The following MIGA1 variants were observed in gnomAD, a reference collection of about 807,000 sequenced individuals.
The protein encoded by MIGA1 is mitoguardin 1.
MIGA1 carries 58 observed loss-of-function variants against 82.0 expected under a neutral mutation model. That is an observed-to-expected ratio of 0.71 (90% confidence interval 0.57 to 0.88). MIGA1 has a LOEUF of 0.88. MIGA1 is among the 40% of genes least tolerant of loss of function. The pLI, the probability that MIGA1 is intolerant of heterozygous loss-of-function variation, is 0.00. For missense variants in MIGA1, 751 were observed against 749.1 expected (o/e 1.00, Z -0.03); for synonymous variants, 249 against 253.6 (o/e 0.98, Z 0.17).
chr1:77,782,308 G>T (rs1483346494), intron 1 of MIGA1, among the ~76,000 whole-genome samples: 2 of 152,080 alleles, frequency 1.3e-5, no homozygotes, highest in East Asian at 3.8e-4. Context: ...CGTTTTCTTG[G>T]CCTGAATGAA....
intron 4 of MIGA1, among the ~76,000 whole-genome samples, chr1:77,804,621 A>AT (rs1683015906): frequency 6.6e-6 from 1 of 151,760 alleles, no homozygotes; most frequent in Non-Finnish European, 1.5e-5. Context: ...CAACATTAAC[A>AT]ATTTTTTTTT....
chr1:77,822,948 T>G (rs1311802775), intron 7 of MIGA1, among the ~76,000 whole-genome samples: 3 of 149,214 alleles, frequency 2.0e-5, no homozygotes, highest in African/African-American at 7.4e-5. Flanking sequence ...GTTCAAGCAA[T>G]TCTCCTGCCT....
At chr1:77,872,401 G>A (rs992352915) in intron 14 of MIGA1, among the ~76,000 whole-genome samples, 1 of 152,122 alleles carries the variant, frequency 6.6e-6, no homozygotes, top group Non-Finnish European at 1.5e-5. Flanking sequence ...AGGAGTTCAA[G>A]ACCAGCCTGA....
At chr1:77,806,819 TTTGA>T (rs1163828257) in intron 4 of MIGA1, among the ~76,000 whole-genome samples, 152 bp from the exon 5 acceptor site, 1 of 152,236 alleles carries the variant, frequency 6.6e-6, no homozygotes, top group African/African-American at 2.4e-5. Context: ...GATTTCTAAG[TTTGA>T]TTGATTATCA....
intron 3 of MIGA1, 41 bp from the exon 4 acceptor site, chr1:77,803,229 G>A (rs1327104877): frequency 7.8e-7 from 1 of 1,277,676 alleles, no homozygotes; most frequent in Non-Finnish European, 1.0e-6. Context: ...TTTATCATTG[G>A]CGTTATTGAT....
intron 7 of MIGA1, among the ~76,000 whole-genome samples, chr1:77,817,184 C>A (rs1167639120): frequency 6.6e-6 from 1 of 152,098 alleles, no homozygotes. Context: ...TCTCTTATTT[C>A]TTCAGGTTAA....
chr1:77,847,594 AAG>A, intron 8 of MIGA1: 1 of 1,534,906 alleles, frequency 6.5e-7, no homozygotes, highest in African/African-American at 1.4e-5. Context: ...AAAAAACTGC[AAG>A]AGAGAGCTGA....
rs1169316317 is a variant in MIGA1, at chr1:77,779,937, T to TCATCTC, written c.81+202_81+207dup. ...CACCCTGAACACCCCCGACCTCGTCTCATCTCAGAAGCTAAGCAGGGTCGG... is the reference window on the plus strand; with the variant it reads ...CACCCTGAACACCCCCGACCTCGTCTCATCTCCATCTCAGAAGCTAAGCAGGGTCGG... On this transcript the variant is annotated intron_variant, in intron 1 of 15. Coordinates refer to ENST00000370791, the MANE Select transcript of MIGA1 (RefSeq NM_198549.4). 2.9e-6 allele frequency: 4 copies of TCATCTC among 1,374,600 alleles called. No individual in the cohort carries two copies. The East Asian group carries it at 1.2e-4, about 40-fold the overall frequency. The allele number at this position is 1,374,600 out of a possible 1,614,324, so 85.2% of individuals were successfully genotyped here. A position where few individuals can be genotyped will look rare whatever the true frequency, so the allele number is the denominator to read the frequency against.
At chr1:77,860,809 C>T (rs1685431381) in intron 11 of MIGA1, 3 of 171,562 alleles carry the variant, frequency 1.7e-5, no homozygotes, top group Admixed American at 1.2e-4. Flanking sequence ...TAAGGTGATA[C>T]TATTAATACA....
chr1:77,798,928 A>G (rs1557899032), intron 2 of MIGA1, among the ~76,000 whole-genome samples: 2 of 152,140 alleles, frequency 1.3e-5, no homozygotes, highest in East Asian at 3.8e-4. Context: ...TCATAAATGG[A>G]TGTTGAATGT....
chr1:77,879,207 C>A lies in MIGA1; in HGVS notation c.*4143C>A, dbSNP rs930085753. The A allele has an allele frequency of 5.9e-5, 9 of 152,134 alleles. No homozygotes were observed. Among genetic ancestry groups the A allele is most frequent in the African/African-American group, 1.7e-4 (7 of 41,390 alleles). 9.4% of individuals were successfully genotyped at this position (152,134 alleles called of 1,614,324 possible). ...TTTCAAAATGATTATAGGAATTAAG[C>A]TGAATTCTAATTTTTTTGCTTAGAT... On this transcript the variant is annotated 3_prime_UTR_variant, in exon 16 of 16. Coordinates refer to ENST00000370791, the MANE Select transcript of MIGA1 (RefSeq NM_198549.4).
intron 3 of MIGA1, 62 bp downstream of exon 3, chr1:77,801,570 A>G (rs1682886613): frequency 9.1e-6 from 13 of 1,429,012 alleles, no homozygotes; most frequent in African/African-American, 1.5e-5. Context: ...GAATACAGTG[A>G]TTTTGGTCTT....
rs1431694877 is a variant in MIGA1, at chr1:77,874,939, C to T, written c.1774C>T (p.Leu592Phe). The T allele has an allele frequency of 6.2e-7, 1 of 1,614,128 alleles. No homozygotes were observed. The highest frequency in any genetic ancestry group is 8.5e-7 in the Non-Finnish European group (1 of 1,179,984). ...TTTAGCTGAAGACCTCATGCAGTTA[C>T]TCATTCGCCGCACTGAGCTTTTAAT... Residue 592 changes from leucine to phenylalanine, a missense_variant, in exon 16 of 16, where the codon CTC becomes TTC. Physicochemically the swap from Leu to Phe is conservative, Grantham distance 22. Coordinates refer to ENST00000370791, the MANE Select transcript of MIGA1 (RefSeq NM_198549.4).
At chr1:77,846,300 T>G (rs1684836806) in intron 8 of MIGA1, among the ~76,000 whole-genome samples, 1 of 152,146 alleles carries the variant, frequency 6.6e-6, no homozygotes, top group African/African-American at 2.4e-5. Context: ...AAAGTCTTTT[T>G]GATGTTGGGA....
In MIGA1 at chr1:77,813,400, G is replaced by A. The variant is rs76113189; in HGVS notation, c.638-334G>A. Among the ~76,000 whole-genome samples the A allele has an allele frequency of 1.8e-4, 28 of 152,254 alleles. No homozygotes were observed. The East Asian group carries it at 5.2e-3, about 28-fold the overall frequency. On this transcript the variant is annotated intron_variant, in intron 5 of 15. Coordinates refer to ENST00000370791, the MANE Select transcript of MIGA1 (RefSeq NM_198549.4). ...ATTTACAGGGATATTTTGAAACATA[G>A]TTGTGTGGCTATAAAAAATAGCTAT...
chr1:77,824,572 A>G (rs1040384943), intron 7 of MIGA1, among the ~76,000 whole-genome samples: 1 of 152,206 alleles, frequency 6.6e-6, no homozygotes, highest in Non-Finnish European at 1.5e-5. Context: ...TAATTAAAAT[A>G]GGAAATATTT....
intron 8 of MIGA1, among the ~76,000 whole-genome samples, chr1:77,854,958 A>G (rs1396668078): frequency 2.0e-5 from 3 of 152,150 alleles, no homozygotes; most frequent in Non-Finnish European, 2.9e-5. Context: ...CTTAGTCATG[A>G]AATCCTTGCC....
intron 1 of MIGA1, chr1:77,779,960 C>T (rs1681828149): frequency 7.4e-7 from 1 of 1,351,684 alleles, no homozygotes; most frequent in African/African-American, 1.5e-5. Flanking sequence ...TAAGCAGGGT[C>T]GGGCCTGGTT....
chr1:77,800,960 G>T (rs1448539593), intron 2 of MIGA1, among the ~76,000 whole-genome samples: 1 of 151,908 alleles, frequency 6.6e-6, no homozygotes, highest in African/African-American at 2.4e-5. Flanking sequence ...TTTCCAGATA[G>T]TTTTTTTTAA....
Sources: allele counts gnomAD v4.1 joint callset (sites outside exome capture counted in the v4.1 genomes callset), GRCh38; gene constraint gnomAD v4.1.1; transcripts MANE v1.5; gene names NCBI Gene and HGNC (gene_info 2026-07-23, HGNC 2026-07-21).